HIRA: variants seen among roughly 807,000 people sequenced by gnomAD.
The protein encoded by HIRA is protein HIRA.
A neutral mutation model predicts 126.6 loss-of-function variants in HIRA; 13 were observed. The observed-to-expected ratio is 0.10, with a 90% confidence interval of 0.07 to 0.16. The LOEUF (loss-of-function observed/expected upper bound fraction) is 0.16, where lower values mean the gene tolerates loss of function less well. Ranked by LOEUF, HIRA falls within the 10% of genes least tolerant of loss-of-function variation. The pLI, the probability that HIRA is intolerant of heterozygous loss-of-function variation, is 1.00. For missense variants in HIRA, 834 were observed against 1,314.4 expected, an observed-to-expected ratio of 0.63 and a Z score of 5.65; for synonymous variants, 511 against 520.0, an observed-to-expected ratio of 0.98 and a Z score of 0.24.
At chr22:19,384,385 T>C (rs1212762836) in intron 12 of HIRA, among the ~76,000 whole-genome samples, 2 of 151,484 alleles carry the variant, frequency 1.3e-5, no homozygotes, top group Non-Finnish European at 1.5e-5. Context: ...GTCTGGCTTA[T>C]CATTAATTTG....
At chr22:19,405,460 TACGG>T in intron 5 of HIRA, 1 of 984,580 alleles carries the variant, frequency 1.0e-6, no homozygotes, top group Non-Finnish European at 1.2e-6. Flanking sequence ...AAAGTGTGCT[TACGG>T]ACTTAGTGAT....
At position 19,421,709 on chromosome 22, in the gene HIRA, T is replaced by A. The variant is rs139056579; in HGVS notation, c.37+9731A>T. ...GTGTATGAGATGGAGTCTTGCTCTG[T>A]CACCCAGGCTGGACCGCAGTGATGC... On this transcript the variant is annotated intron_variant, in intron 1 of 24. Transcript: ENST00000263208. 2.6e-3 allele frequency among the ~76,000 whole-genome samples: 393 copies of A among 152,332 alleles called. 4 individuals are homozygous for A. The highest frequency in any genetic ancestry group is 9.4e-3 in the African/African-American group (389 of 41,580).
intron 15 of HIRA, among the ~76,000 whole-genome samples, chr22:19,363,662 C>T (rs1345228414): frequency 1.3e-5 from 2 of 152,094 alleles, no homozygotes; most frequent in Non-Finnish European, 2.9e-5. Flanking sequence ...CTTTGGGAGG[C>T]CAAGGTGGGC....
chr22:19,384,346 G>T (rs1023923664), intron 12 of HIRA, among the ~76,000 whole-genome samples: 1 of 142,220 alleles, frequency 7.0e-6, no homozygotes, highest in Non-Finnish European at 1.5e-5. Context: ...AAAAAAAAGA[G>T]AGATATCATG....
rs2088758719 is a variant in HIRA at position 19,351,631 on chromosome 22, A to C, written c.2849-185T>G. 6.6e-6 allele frequency among the ~76,000 whole-genome samples: 1 copy of C among 152,160 alleles called. No individual in the cohort carries two copies. The highest frequency in any genetic ancestry group is 1.5e-5 in the Non-Finnish European group (1 of 68,028). On this transcript the variant is annotated intron_variant, in intron 23 of 24. Transcript: ENST00000263208. This position sits in a 1 kb window ranked among gnomAD's most constrained non-coding sequence, Gnocchi z 4.8. Reference sequence around the variant, plus strand: ...ATGTCTCTCAGCGGGGGGCACTGAGACCCATAATCACAGATTTTCACTCAC... The same window carrying C: ...ATGTCTCTCAGCGGGGGGCACTGAGCCCCATAATCACAGATTTTCACTCAC...
At position 19,353,506 on chromosome 22, in the gene HIRA, C is replaced by G. The variant is rs1440279033; in HGVS notation, c.2698G>C (p.Ala900Pro). The change falls in exon 23 of 25, where the codon GCT (alanine) becomes CCT (proline). Residue 900 changes from alanine (A) to proline (P), a missense_variant. Around this residue, in one of 5 missense-constraint regions of HIRA, gnomAD observed 468 missense variants for 574.2 expected, o/e 0.82. Transcript: ENST00000263208. The part of the protein sequence containing the change: ...QGRTSNSGRQ[A>P]ARLFSVPHVV... ...TGAGGCACGGAGAAGAGCCGGGCAG[C>G]CTGCCTTCCCGAGCTGCAGAGACCA... is the stretch of plus-strand genomic sequence containing the variant. 1.2e-6 allele frequency: 2 copies of G among 1,608,778 alleles called. No homozygotes were observed. Among genetic ancestry groups the G allele is most frequent in the Non-Finnish European group, 1.7e-6 (2 of 1,178,220 alleles).
chr22:19,374,953 C>G (rs1009271403), intron 15 of HIRA, among the ~76,000 whole-genome samples: 1 of 152,216 alleles, frequency 6.6e-6, no homozygotes, highest in African/African-American at 2.4e-5. Flanking sequence ...AGCTCCTTGT[C>G]AAGCTAGGCT....
intron 2 of HIRA, 110 bp from the exon 3 acceptor site, chr22:19,408,703 T>C: frequency 1.5e-6 from 1 of 648,030 alleles, no homozygotes; most frequent in Non-Finnish European, 2.8e-6. Context: ...CCATAAACAA[T>C]AATTAACTAG....
chr22:19,413,247 G>A (rs2089368266), intron 1 of HIRA, among the ~76,000 whole-genome samples: 1 of 152,144 alleles, frequency 6.6e-6, no homozygotes, highest in Non-Finnish European at 1.5e-5. Flanking sequence ...CACAATAGCA[G>A]TGTGGAAAAT....
intron 1 of HIRA, among the ~76,000 whole-genome samples, chr22:19,413,631 A>ATT (rs1569311782): frequency 3.8e-4 from 37 of 97,440 alleles, no homozygotes; most frequent in African/African-American, 1.2e-3. Flanking sequence ...ATTTATTTAT[A>ATT]GACAGAGTTT....
chr22:19,389,650 T>C (rs1002702129), intron 9 of HIRA, among the ~76,000 whole-genome samples: 3 of 152,060 alleles, frequency 2.0e-5, no homozygotes, highest in Non-Finnish European at 4.4e-5. Context: ...CTCTCATAAA[T>C]GTGCCTACAG....
Position 19,351,286 on chromosome 22 carries a change from G to T in HIRA, c.2937+72C>A. On this transcript the variant is annotated intron_variant, in intron 24 of 24. Coordinates refer to ENST00000263208, the MANE Select transcript of HIRA (RefSeq NM_003325.4). This position sits in a 1 kb window ranked among gnomAD's most constrained non-coding sequence, Gnocchi z 4.8. Reference sequence around the variant, plus strand: ...CGGGACACAATTTCAAAGCACTTTGGCTTATTTAAAAAATCTCCACCTTCA... The same window carrying T: ...CGGGACACAATTTCAAAGCACTTTGTCTTATTTAAAAAATCTCCACCTTCA... The T allele has an allele frequency of 6.4e-7, 1 of 1,559,286 alleles. No homozygotes were observed.
intron 1 of HIRA, among the ~76,000 whole-genome samples, chr22:19,420,462 C>CAAAA (rs760003741): frequency 0.12 from 7,278 of 62,424 alleles, 309 homozygotes; most frequent in Admixed American, 0.18. Context: ...AAAACTGTCT[C>CAAAA]AAAAAAAAAA....
chr22:19,405,229 G>C (rs1398322028), intron 5 of HIRA, among the ~76,000 whole-genome samples: 1 of 152,074 alleles, frequency 6.6e-6, no homozygotes, highest in East Asian at 1.9e-4. Context: ...TCCATTCCTG[G>C]ACCAAACGGA....
Position 19,365,011 on chromosome 22 carries a change from T to C in HIRA, c.1776-3080A>G, listed in dbSNP as rs551285690. 3.1e-4 allele frequency among the ~76,000 whole-genome samples: 47 copies of C among 152,296 alleles called. 1 individual carries two copies. The highest frequency in any genetic ancestry group is 1.1e-3 in the African/African-American group (45 of 41,570). On this transcript the variant is annotated intron_variant, in intron 15 of 24. Transcript: ENST00000263208. ...ATGGAGAAAGTTTTAGTGCTCTGGA[T>C]AGAAGATCAAACCAGCCACAACACT...
chr22:19,377,906 T>C lies in HIRA; in HGVS notation c.1576A>G (p.Ser526Gly). ...ACAGAATCGCCTGCAGGTCTGGCACTGGCAGCCACCACAGGCTCTGTGCAA... is the reference window on the plus strand; with the variant it reads ...ACAGAATCGCCTGCAGGTCTGGCACCGGCAGCCACCACAGGCTCTGTGCAA... Reference protein sequence around the residue: ...KPCTEPVVAASARPAGDSVNK... With the variant: ...KPCTEPVVAAGARPAGDSVNK... Residue 526 changes from serine to glycine, a missense_variant, in exon 14 of 25, where the codon AGT becomes GGT. By Grantham distance (56) the Ser-to-Gly change is moderately conservative (BLOSUM62 0). Transcript: ENST00000263208. 1 of 1,613,392 alleles carries C rather than the reference T, an allele frequency of 6.2e-7. No individual in the cohort carries two copies.
In HIRA at chr22:19,353,952, A is replaced by C. The variant is rs375583025; in HGVS notation, c.2684+44T>G. ...CGTGCACTGACCCAGGCACTTCCCC[A>C]GGGCAGGACTAAGGACAGTGGCCAT... is the stretch of plus-strand genomic sequence containing the variant. On this transcript the variant is annotated intron_variant, in intron 22 of 24. Transcript: ENST00000263208. 36 of 1,603,622 alleles carry C rather than the reference A, an allele frequency of 2.2e-5. No individual in the cohort carries two copies. In the African/African-American group the frequency reaches 4.4e-4, roughly 20 times the overall value.
intron 1 of HIRA, among the ~76,000 whole-genome samples, chr22:19,428,201 C>T (rs564569759): frequency 4.6e-5 from 7 of 152,274 alleles, no homozygotes; most frequent in African/African-American, 1.7e-4. Flanking sequence ...TTCACTACAA[C>T]GTGACAACTT....
chr22:19,395,066 C>T (rs750100170), intron 7 of HIRA, among the ~76,000 whole-genome samples: 4 of 152,204 alleles, frequency 2.6e-5, no homozygotes, highest in Non-Finnish European at 5.9e-5. Flanking sequence ...TTTGTAACAT[C>T]CTTATAAACT....
Sources: gnomAD v4.1 joint callset for allele counts (sites outside exome capture counted in the v4.1 genomes callset) on GRCh38, gnomAD v4.1.1 for gene constraint, gnomAD v4.1.1 regional missense constraint, Gnocchi (gnomAD v3.1) non-coding constraint, MANE v1.5 for transcripts, NCBI Gene and HGNC (gene_info 2026-07-23, HGNC 2026-07-21) for gene names.